The following WDR45 variants were observed in gnomAD, a reference collection of about 807,000 sequenced individuals.
WDR45 encodes the protein WD repeat domain phosphoinositide-interacting protein 4.
Under a neutral mutation model 27.3 loss-of-function variants are expected in WDR45, and 2 were observed. The ratio of observed to expected loss-of-function variants is 0.07; its 90% CI spans 0.03 to 0.23. The LOEUF (loss-of-function observed/expected upper bound fraction) is 0.23, where lower values mean the gene tolerates loss of function less well. WDR45 is among the 10% of genes least tolerant of loss of function. The pLI is 1.00. For missense variants in WDR45, 175 were observed against 311.9 expected, an observed-to-expected ratio of 0.56 and a Z score of 3.31; for synonymous variants, 99 against 119.2, an observed-to-expected ratio of 0.83 and a Z score of 1.11.
At position 49,074,633 on chromosome X, in the gene WDR45, G is replaced by T. The variant is rs2065025687; in HGVS notation, c.*170C>A. 1 of 448,129 alleles carries T rather than the reference G, an allele frequency of 2.2e-6. No individual in the cohort carries two copies. The allele number at this position is 448,129 out of a possible 1,213,427, so 36.9% of individuals were successfully genotyped here. ...GGCCCTTGGGGCACACAGTCATCAA[G>T]AAGTGCTGGGGGGAAGTGAGCTCTT... is the stretch of plus-strand genomic sequence containing the variant. On this transcript the variant is annotated 3_prime_UTR_variant, in exon 11 of 11. Transcript: ENST00000376372.
chrX:49,093,529 CTTT>C (rs781832245), intron 2 of WDR45, among the ~76,000 whole-genome samples: 7 of 91,292 alleles, frequency 7.7e-5, no homozygotes, highest in Admixed American at 1.2e-4. Flanking sequence ...AATCAGCCTT[CTTT>C]TTTTTTTTTT....
intron 2 of WDR45, among the ~76,000 whole-genome samples, chrX:49,089,225 C>G (rs2147824943): frequency 9.0e-6 from 1 of 111,534 alleles, no homozygotes; most frequent in African/African-American, 3.2e-5. Flanking sequence ...GAGGCGGAAG[C>G]TGCAGTGAGG....
At chrX:49,081,720 A>G (rs188740625), upstream of WDR45, among the ~76,000 whole-genome samples, 2 of 107,205 alleles carry the variant, frequency 1.9e-5, no homozygotes, top group East Asian at 5.9e-4. Flanking sequence ...ATGGTGGTGC[A>G]TGCCTGTAAT....
At chrX:49,098,166 T>A (rs1417013235) in intron 2 of WDR45, among the ~76,000 whole-genome samples, 1 of 110,687 alleles carries the variant, frequency 9.0e-6, no homozygotes, top group African/African-American at 3.3e-5. Flanking sequence ...CCCAGACTGG[T>A]CTCAAACTCC....
chrX:49,076,333 CTG>C, intron 6 of WDR45, 95 bp downstream of exon 6: 5 of 907,360 alleles, frequency 5.5e-6, no homozygotes, highest in Non-Finnish European at 7.9e-6. Context: ...CCCCATTTCT[CTG>C]TGTGTGAGTG....
intron 2 of WDR45, among the ~76,000 whole-genome samples, chrX:49,088,220 G>T (rs1403742902): frequency 9.0e-6 from 1 of 111,009 alleles, no homozygotes; most frequent in African/African-American, 3.3e-5. Context: ...CCTGGCCAAT[G>T]TGGTGAAATC....
chrX:49,100,108 G>C (rs2065140325), intron 2 of WDR45: 1 of 111,206 alleles, frequency 9.0e-6, no homozygotes, highest in Non-Finnish European at 1.9e-5. Context: ...CTGGGCCCAC[G>C]GCTCCATCTG....
At position 49,075,124 on chromosome X, in the gene WDR45, G is replaced by A. The variant is rs782135650; in HGVS notation, c.973+12C>T. 3.3e-6 allele frequency: 4 copies of A among 1,209,625 alleles called. No individual in the cohort carries two copies. The highest frequency in any genetic ancestry group is 3.5e-5 in the South Asian group (2 of 56,858). ...ATGCAGTACCCCCAACCAAGGGGCT[G>A]TTCCCACTCACCAATGACAGAGTTG... On this transcript the variant is annotated intron_variant, in intron 10 of 10. Coordinates refer to ENST00000376372, the MANE Select transcript of WDR45 (RefSeq NM_001029896.2).
chrX:49,091,114 C>T (rs1444563548), intron 2 of WDR45, among the ~76,000 whole-genome samples: 3 of 110,303 alleles, frequency 2.7e-5, no homozygotes, highest in Non-Finnish European at 5.7e-5. Flanking sequence ...TGAGCCACTG[C>T]GCCCGGCTTC....
rs1278132982 is a variant in WDR45 at position 49,086,913 on chromosome X, G to A, written c.-17-8801C>T. 3.2e-4 allele frequency among the ~76,000 whole-genome samples: 35 copies of A among 109,831 alleles called. No individual in the cohort carries two copies. In the Admixed American group the frequency reaches 3.4e-3, roughly 11 times the overall value. On this transcript the variant is annotated intron_variant, in intron 2 of 11. Transcript: ENST00000356463. ...CAGCCTCCTTTTTTTCTTTTTTAGA[G>A]ACAGGGTCTGGATCCTCCTGTCTCT... is the stretch of plus-strand genomic sequence containing the variant.
At chrX:49,084,637 G>GT (rs2065080663), upstream of WDR45, among the ~76,000 whole-genome samples, 1 of 21,724 alleles carries the variant, frequency 4.6e-5, no homozygotes, top group Non-Finnish European at 1.5e-4. Context: ...ATGAAACAAT[G>GT]ATTTTTTTTT....
At chrX:49,095,415 C>T (rs991170879) in intron 2 of WDR45, among the ~76,000 whole-genome samples, 3 of 108,823 alleles carry the variant, frequency 2.8e-5, no homozygotes, top group Non-Finnish European at 5.7e-5. Context: ...CCAAGGCGGG[C>T]GAGCCTCCTG....
chrX:49,076,348 C>G, intron 6 of WDR45, 82 bp downstream of exon 6: 1 of 1,009,592 alleles, frequency 9.9e-7, no homozygotes, highest in Non-Finnish European at 1.4e-6. Flanking sequence ...TGTGAGTGCC[C>G]CTTCCTTTCT....
chrX:49,090,989 T>C (rs2065102897), intron 2 of WDR45, among the ~76,000 whole-genome samples: 1 of 111,168 alleles, frequency 9.0e-6, no homozygotes, highest in African/African-American at 3.3e-5. Flanking sequence ...CCCAGCTAAC[T>C]TTTTTTTGTA....
Position 49,075,165 on chromosome X carries a change from T to G in WDR45, c.944A>C (p.Asn315Thr), listed in dbSNP as rs782562675. 102 of 1,211,129 alleles carry G rather than the reference T, an allele frequency of 8.4e-5. 1 individual carries two copies. In the South Asian group the frequency reaches 1.4e-3, roughly 17 times the overall value. ...ESACICAFGR[N>T]TSKNVNSVIA... ...GACAGAGTTGACGTTCTTGGAAGTA[T>G]TGCGACCGAAGGCGCAGATGCAAGC... is the stretch of plus-strand genomic sequence containing the variant. The change falls in exon 10 of 11, where the codon AAT becomes ACT. Residue 315 changes from asparagine (N) to threonine (T), a missense_variant. Physicochemically the swap from Asn to Thr is moderately conservative, Grantham distance 65. This residue lies in a region of WDR45 where 71 missense variants were observed against 123.0 expected (regional missense o/e 0.58). Coordinates refer to ENST00000376372, the MANE Select transcript of WDR45 (RefSeq NM_001029896.2).
intron 2 of WDR45, among the ~76,000 whole-genome samples, chrX:49,093,770 G>A (rs1474637340): frequency 9.7e-6 from 1 of 103,507 alleles, no homozygotes; most frequent in Non-Finnish European, 2.0e-5. Flanking sequence ...TCAAACTGCC[G>A]GACTCAAGTG....
At chrX:49,086,430 G>A (rs1454798310) in intron 2 of WDR45, among the ~76,000 whole-genome samples, 1 of 111,361 alleles carries the variant, frequency 9.0e-6, no homozygotes, top group Non-Finnish European at 1.9e-5. Flanking sequence ...TGGGATTACA[G>A]GCATGAACCA....
At chrX:49,076,149 C>G in intron 6 of WDR45, 1 of 466,404 alleles carries the variant, frequency 2.1e-6, no homozygotes, top group Non-Finnish European at 3.8e-6. Flanking sequence ...TAGTAAGCTG[C>G]TATCACAGCC....
At chrX:49,097,681 A>G (rs2065130781) in intron 2 of WDR45, among the ~76,000 whole-genome samples, 1 of 103,092 alleles carries the variant, frequency 9.7e-6, no homozygotes. Context: ...TTTGAGATGG[A>G]ATTTTGCTCC....
Sources: gnomAD v4.1 joint callset for allele counts (sites outside exome capture counted in the v4.1 genomes callset) on GRCh38, gnomAD v4.1.1 for gene constraint, gnomAD v4.1.1 regional missense constraint, MANE v1.5 for transcripts, NCBI Gene and HGNC (gene_info 2026-07-23, HGNC 2026-07-21) for gene names.